ARMC8: variants seen among roughly 807,000 people sequenced by gnomAD.
ARMC8 encodes the protein armadillo repeat containing 8.
A neutral mutation model predicts 99.3 loss-of-function variants in ARMC8; 20 were observed. The observed-to-expected ratio is 0.20, with a 90% confidence interval of 0.14 to 0.29. The LOEUF is 0.29. ARMC8 is among the 10% of genes least tolerant of loss of function. The pLI is 1.00. For synonymous variants in ARMC8, 263 were observed against 278.3 expected (o/e 0.95, Z 0.55); for missense variants, 569 against 809.5 (o/e 0.70, Z 3.60).
At chr3:138,251,649 G>A (rs527775842) in intron 12 of ARMC8, among the ~76,000 whole-genome samples, 1 of 152,310 alleles carries the variant, frequency 6.6e-6, no homozygotes, top group South Asian at 2.1e-4. Context: ...ACCAGGTTTT[G>A]CCACTTGCCC....
At chr3:138,200,009 C>T (rs1329912784) in intron 1 of ARMC8, among the ~76,000 whole-genome samples, 1 of 152,130 alleles carries the variant, frequency 6.6e-6, no homozygotes, top group African/African-American at 2.4e-5. Flanking sequence ...TGAGTTGTTT[C>T]AGTTTGTGGT....
intron 1 of ARMC8, among the ~76,000 whole-genome samples, chr3:138,198,859 G>T (rs1473322257): frequency 6.6e-6 from 1 of 151,874 alleles, no homozygotes; most frequent in East Asian, 1.9e-4. Flanking sequence ...GATAAGCACT[G>T]ATTAATTTAC....
At chr3:138,287,825 C>T in intron 19 of ARMC8, 1 of 345,180 alleles carries the variant, frequency 2.9e-6, no homozygotes, top group South Asian at 2.4e-5. Flanking sequence ...TTGATACTCT[C>T]TCAGATGTGC....
rs933723547 is a variant in ARMC8, at chr3:138,274,512, G to C, written c.1693G>C (p.Glu565Gln). The C allele has an allele frequency of 3.1e-6, 5 of 1,613,092 alleles. No homozygotes were observed. Among genetic ancestry groups the C allele is most frequent in the Non-Finnish European group, 4.2e-6 (5 of 1,179,280 alleles). The change falls in exon 18 of 22, where the codon GAA (glutamate) becomes CAA (glutamine). Residue 565 changes from glutamate (E) to glutamine (Q), a missense_variant. Transcript: ENST00000469044. ...QIMQAVTLIL[E>Q]GEHNIEVKEQ... ...TATGCAAGCCGTCACTCTTATTCTAGAAGGGGAACATAACATTGAGGTCAA... is the reference window on the plus strand; with the variant it reads ...TATGCAAGCCGTCACTCTTATTCTACAAGGGGAACATAACATTGAGGTCAA...
intron 1 of ARMC8, among the ~76,000 whole-genome samples, chr3:138,191,784 GTCAC>G (rs777412405): frequency 1.3e-5 from 2 of 152,190 alleles, no homozygotes; most frequent in Non-Finnish European, 2.9e-5. Context: ...GTTGTTTTTT[GTCAC>G]TCAGTATAAT....
At chr3:138,202,419 T>A (rs577244093) in intron 1 of ARMC8, among the ~76,000 whole-genome samples, 11 of 152,342 alleles carry the variant, frequency 7.2e-5, no homozygotes, top group African/African-American at 2.6e-4. Context: ...AGGATGGGTA[T>A]TTTTGAATAA....
chr3:138,193,448 T>C lies in ARMC8; in HGVS notation c.45+5849T>C, dbSNP rs930973261. Among the ~76,000 whole-genome samples, 11 of 151,964 alleles carry C rather than the reference T, an allele frequency of 7.2e-5. No individual in the cohort carries two copies. The South Asian group carries it at 2.3e-3, about 32-fold the overall frequency. The stretch of plus-strand genomic sequence containing the variant: ...GCTAATTTTTTGTGTGTATTTTTAG[T>C]AAAGATGGGGTTTCGCCATGTTGGC... On this transcript the variant is annotated intron_variant, in intron 1 of 21. Transcript: ENST00000469044.
At position 138,187,427 on chromosome 3, in the gene ARMC8, A is replaced by G; in HGVS notation, c.-128A>G. On this transcript the variant is annotated 5_prime_UTR_variant, in exon 1 of 22. Coordinates refer to ENST00000469044, the MANE Select transcript of ARMC8 (RefSeq NM_001363941.2). ...CCTTTCCGGTACTTGAGCGGTGTCC[A>G]GAGCGTGGCCAGTTCTCGTCTATCT... The G allele has an allele frequency of 1.1e-6, 1 of 906,376 alleles. No individual in the cohort carries two copies. Among genetic ancestry groups the G allele is most frequent in the Non-Finnish European group, 1.7e-6 (1 of 590,466 alleles). 56.1% of individuals were successfully genotyped at this position (906,376 alleles called of 1,614,324 possible).
At chr3:138,242,203 G>GTTTTT (rs2046658345) in intron 11 of ARMC8, among the ~76,000 whole-genome samples, 1 of 152,150 alleles carries the variant, frequency 6.6e-6, no homozygotes, top group African/African-American at 2.4e-5. Context: ...AAGCAATAAA[G>GTTTTT]AAAATTGCAT....
intron 2 of ARMC8, among the ~76,000 whole-genome samples, chr3:138,214,856 G>T (rs1476427796): frequency 6.6e-6 from 1 of 152,106 alleles, no homozygotes; most frequent in Non-Finnish European, 1.5e-5. Context: ...GTTTTGCCCT[G>T]TTAGCCAGGC....
chr3:138,287,378 T>A (rs2050534314), intron 19 of ARMC8, among the ~76,000 whole-genome samples: 1 of 152,170 alleles, frequency 6.6e-6, no homozygotes, highest in Non-Finnish European at 1.5e-5. Flanking sequence ...ATTCTTTAAG[T>A]CTCTGTTTAA....
intron 6 of ARMC8, 99 bp downstream of exon 6, chr3:138,229,109 T>C: frequency 2.3e-6 from 1 of 433,248 alleles, no homozygotes; most frequent in Non-Finnish European, 4.3e-6. Context: ...GTCATACATA[T>C]ATAAGTAGAC....
At chr3:138,235,177 C>A in intron 7 of ARMC8, 63 bp downstream of exon 7, 1 of 1,127,168 alleles carries the variant, frequency 8.9e-7, no homozygotes, top group Non-Finnish European at 1.3e-6. Context: ...GAAACAGACC[C>A]ACATATTTTT....
chr3:138,226,216 G>T (rs149040434), intron 5 of ARMC8, among the ~76,000 whole-genome samples: 2 of 152,016 alleles, frequency 1.3e-5, no homozygotes, highest in Non-Finnish European at 2.9e-5. Context: ...GGCTGGTCTC[G>T]AACTCCTGAC....
At chr3:138,200,348 A>G (rs144623537) in intron 1 of ARMC8, among the ~76,000 whole-genome samples, 7 of 142,396 alleles carry the variant, frequency 4.9e-5, no homozygotes, top group African/African-American at 2.2e-4. Flanking sequence ...TCTGAAATGA[A>G]TGACTTTTGG....
At chr3:138,224,474 G>A (rs1425189923) in intron 5 of ARMC8, among the ~76,000 whole-genome samples, 1 of 152,124 alleles carries the variant, frequency 6.6e-6, no homozygotes, top group African/African-American at 2.4e-5. Flanking sequence ...TCTCCGCTGG[G>A]TACAGTGGCT....
At chr3:138,250,999 A>G (rs1350681291) in intron 12 of ARMC8, among the ~76,000 whole-genome samples, 1 of 151,958 alleles carries the variant, frequency 6.6e-6, no homozygotes, top group African/African-American at 2.4e-5. Context: ...AAAAATACAA[A>G]AATTATCCAG....
intron 16 of ARMC8, among the ~76,000 whole-genome samples, chr3:138,272,108 T>A (rs1023147154): frequency 6.6e-6 from 1 of 152,200 alleles, no homozygotes; most frequent in Non-Finnish European, 1.5e-5. Context: ...AAATAGCTAC[T>A]AGCCACCCGG....
chr3:138,193,184 G>A (rs2043491555), intron 1 of ARMC8, among the ~76,000 whole-genome samples: 1 of 151,994 alleles, frequency 6.6e-6, no homozygotes, highest in South Asian at 2.1e-4. Context: ...AGTCAGACTG[G>A]TCTCAAACTC....
Sources: gnomAD v4.1 joint callset for allele counts (sites outside exome capture counted in the v4.1 genomes callset) on GRCh38, gnomAD v4.1.1 for gene constraint, MANE v1.5 for transcripts, NCBI Gene and HGNC (gene_info 2026-07-23, HGNC 2026-07-21) for gene names.